Variants in VPS13B observed in about 807,000 individuals in gnomAD.
VPS13B encodes the protein vacuolar protein sorting 13 homolog B.
In VPS13B, 285 loss-of-function variants were observed where a neutral mutation model predicts 426.4. The ratio of observed to expected loss-of-function variants is 0.67; its 90% confidence interval spans 0.61 to 0.74. The LOEUF is 0.74. VPS13B is among the 30% of genes least tolerant of loss of function. VPS13B has a pLI of 0.00. For missense variants in VPS13B, 4,537 were observed against 4,782.6 expected, an observed-to-expected ratio of 0.95 and a Z score of 1.51; for synonymous variants, 1,676 against 1,676.4, an observed-to-expected ratio of 1.00 and a Z score of 0.01.
chr8:99,844,405 T>C (rs7003135), intron 54 of VPS13B, among the ~76,000 whole-genome samples: 15,121 of 148,794 alleles, frequency 0.1, 1,585 homozygotes, highest in African/African-American at 0.27. Flanking sequence ...CTCTTGTTGC[T>C]CAGGCTGGAT....
At chr8:99,078,868 G>A (rs1167714783) in intron 3 of VPS13B, among the ~76,000 whole-genome samples, 5 of 152,120 alleles carry the variant, frequency 3.3e-5, no homozygotes, top group Non-Finnish European at 7.4e-5. Context: ...AACTGAGCAA[G>A]TTGGTATATA....
chr8:99,810,606 T>C (rs1039043253), intron 44 of VPS13B, among the ~76,000 whole-genome samples: 1 of 152,208 alleles, frequency 6.6e-6, no homozygotes, highest in Non-Finnish European at 1.5e-5. Context: ...AAAAGAAGCA[T>C]GGAAGACTCT....
intron 4 of VPS13B, among the ~76,000 whole-genome samples, chr8:99,098,131 T>C (rs1846525268): frequency 6.6e-6 from 1 of 152,208 alleles, no homozygotes. Flanking sequence ...TTGTTGTTTT[T>C]CTTTGTTCAC....
intron 15 of VPS13B, among the ~76,000 whole-genome samples, chr8:99,168,339 A>T (rs1812133633): frequency 6.6e-6 from 1 of 152,124 alleles, no homozygotes; most frequent in Admixed American, 6.5e-5. Flanking sequence ...GATCTCGTCT[A>T]CACCCAATTT....
At chr8:99,734,153 A>G (rs1833716577) in intron 39 of VPS13B, among the ~76,000 whole-genome samples, 1 of 152,214 alleles carries the variant, frequency 6.6e-6, no homozygotes, top group African/African-American at 2.4e-5. Flanking sequence ...TCTGTCATTT[A>G]GCATGTTATT....
chr8:99,792,180 A>C (rs954526930), intron 43 of VPS13B, among the ~76,000 whole-genome samples: 1 of 152,050 alleles, frequency 6.6e-6, no homozygotes, highest in African/African-American at 2.4e-5. Flanking sequence ...AAACATCAAC[A>C]CTCTTTGGAG....
At chr8:99,434,375 G>C (rs573744499) in intron 22 of VPS13B, among the ~76,000 whole-genome samples, 1 of 152,032 alleles carries the variant, frequency 6.6e-6, no homozygotes, top group Non-Finnish European at 1.5e-5. Context: ...CTTTTATTGC[G>C]GCTTTTTGAG....
At chr8:99,834,585 C>T (rs534241217) in intron 52 of VPS13B, among the ~76,000 whole-genome samples, 1 of 151,802 alleles carries the variant, frequency 6.6e-6, no homozygotes, top group South Asian at 2.1e-4. Context: ...CACCCAGGCT[C>T]GAGTGCAGTG....
intron 28 of VPS13B, among the ~76,000 whole-genome samples, chr8:99,510,588 TG>T (rs1421553119): frequency 6.6e-6 from 1 of 152,204 alleles, no homozygotes; most frequent in Admixed American, 6.5e-5. Context: ...CTGCAGCCTC[TG>T]CCTCCCGGGT....
intron 31 of VPS13B, among the ~76,000 whole-genome samples, chr8:99,563,301 C>A (rs1825026190): frequency 6.6e-6 from 1 of 152,122 alleles, no homozygotes; most frequent in South Asian, 2.1e-4. Flanking sequence ...AGTTCAGCAT[C>A]CAATCAAAGA....
chr8:99,697,216 T>G, intron 35 of VPS13B: 1 of 566,846 alleles, frequency 1.8e-6, no homozygotes. Context: ...GTGCACAAGG[T>G]AAAGCTGGAG....
At position 99,875,412 on chromosome 8, in the gene VPS13B, T is replaced by G. The variant is rs773871450; in HGVS notation, c.11746-6T>G. On this transcript the variant is annotated splice_polypyrimidine_tract_variant and splice_region_variant and intron_variant, in intron 61 of 61. Coordinates refer to ENST00000357162, the MANE Select transcript of VPS13B (RefSeq NM_152564.5). Reference sequence around the variant, plus strand: ...GCAACTAATCTTTATTATTTTTGGATCCTAGGTAGATGGAGTCCGAGAGAG... The same window carrying G: ...GCAACTAATCTTTATTATTTTTGGAGCCTAGGTAGATGGAGTCCGAGAGAG... The G allele has an allele frequency of 6.2e-7, 1 of 1,614,174 alleles. No homozygotes were observed. Among genetic ancestry groups the G allele is most frequent in the Non-Finnish European group, 8.5e-7 (1 of 1,180,032 alleles).
At chr8:99,254,597 T>G (rs950595822) in intron 17 of VPS13B, among the ~76,000 whole-genome samples, 1 of 151,512 alleles carries the variant, frequency 6.6e-6, no homozygotes, top group African/African-American at 2.4e-5. Context: ...TTAGCAACTA[T>G]TTTTTAAATT....
At chr8:99,515,242 C>T (rs934158248) in intron 29 of VPS13B, among the ~76,000 whole-genome samples, 4 of 152,168 alleles carry the variant, frequency 2.6e-5, no homozygotes, top group Non-Finnish European at 5.9e-5. Flanking sequence ...GTGTTATAAA[C>T]ATTAATACTA....
At chr8:99,150,239 T>A (rs1810991648) in intron 14 of VPS13B, among the ~76,000 whole-genome samples, 2 of 152,286 alleles carry the variant, frequency 1.3e-5, no homozygotes, top group East Asian at 3.9e-4. Flanking sequence ...TAGATACTAT[T>A]TTTTAGAGCA....
chr8:99,239,260 C>A (rs894719568), intron 17 of VPS13B, among the ~76,000 whole-genome samples: 2 of 152,162 alleles, frequency 1.3e-5, no homozygotes, highest in African/African-American at 4.8e-5. Flanking sequence ...CAGGTTATAT[C>A]CAATTCTGTC....
intron 35 of VPS13B, among the ~76,000 whole-genome samples, chr8:99,662,445 TTTATTTA>T: frequency 8.7e-6 from 1 of 114,522 alleles, no homozygotes; most frequent in East Asian, 5.1e-4. Flanking sequence ...TTTAATTTTA[TTTATTTA>T]TTTATTTATT....
chr8:99,042,671 G>A (rs550273436), intron 3 of VPS13B, among the ~76,000 whole-genome samples: 35 of 152,192 alleles, frequency 2.3e-4, no homozygotes, highest in South Asian at 1.2e-3. Flanking sequence ...TTCTGTTTTT[G>A]ATACTGCGTC....
chr8:99,200,117 G>A (rs769223014), intron 17 of VPS13B, among the ~76,000 whole-genome samples: 3 of 152,098 alleles, frequency 2.0e-5, no homozygotes, highest in Non-Finnish European at 4.4e-5. Flanking sequence ...GCCTATTGTG[G>A]ATGCTTCATA....
Sources: gnomAD v4.1 joint callset for allele counts (sites outside exome capture counted in the v4.1 genomes callset) on GRCh38, gnomAD v4.1.1 for gene constraint, MANE v1.5 for transcripts, NCBI Gene and HGNC (gene_info 2026-07-23, HGNC 2026-07-21) for gene names.